Variants in DSG1 observed in about 807,000 individuals in gnomAD.
DSG1 encodes desmoglein-1.
DSG1 carries 39 observed loss-of-function variants against 97.5 expected under a neutral mutation model. The ratio of observed to expected loss-of-function variants is 0.40; its 90% CI spans 0.31 to 0.52. The LOEUF (loss-of-function observed/expected upper bound fraction) is 0.52, where lower values mean the gene tolerates loss of function less well. Among genes scored for constraint, DSG1 ranks in the 20% least tolerant of loss-of-function variants. DSG1 has a pLI of 0.53. For synonymous variants in DSG1, 475 were observed against 443.4 expected, an observed-to-expected ratio of 1.07 and a Z score of -0.90; for missense variants, 1,311 against 1,295.4, an observed-to-expected ratio of 1.01 and a Z score of -0.18.
chr18:31,334,963 A>G (rs962911136), intron 8 of DSG1, among the ~76,000 whole-genome samples: 4 of 151,906 alleles, frequency 2.6e-5, no homozygotes, highest in African/African-American at 9.6e-5. Flanking sequence ...TATGGATTGT[A>G]TATGTTGCAT....
intron 13 of DSG1, 81 bp from the exon 14 acceptor site, chr18:31,345,909 T>C: frequency 9.2e-7 from 1 of 1,090,458 alleles, no homozygotes; most frequent in Admixed American, 2.0e-5. Context: ...AATGAAAAAA[T>C]CACATATTAC....
chr18:31,328,284 G>C lies in DSG1; in HGVS notation c.312G>C (p.Gln104His). 6.2e-7 allele frequency: 1 copy of C among 1,613,514 alleles called. No individual in the cohort carries two copies. Among genetic ancestry groups the C allele is most frequent in the South Asian group, 1.1e-5 (1 of 91,066 alleles). The change falls in exon 4 of 15, where the codon CAG becomes CAC. Residue 104 changes from glutamine (Q) to histidine (H), a missense_variant. Physicochemically the swap from Gln to His is conservative, Grantham distance 24 (BLOSUM62 0). Transcript: ENST00000257192. The stretch of plus-strand genomic sequence containing the variant: ...CATATGGGATCTTTGTCATTAATCA[G>C]AAAACTGGTGAAATTAATATAACAT... ...QPPYGIFVIN[Q>H]KTGEINITSI...
rs751639814 is a variant in DSG1 at position 31,338,471 on chromosome 18, C to T, written c.1405+17C>T. 1.2e-6 allele frequency: 2 copies of T among 1,609,976 alleles called. No individual in the cohort carries two copies. The highest frequency in any genetic ancestry group is 1.7e-6 in the Non-Finnish European group (2 of 1,176,642). On this transcript the variant is annotated intron_variant, in intron 10 of 14. Coordinates refer to ENST00000257192, the MANE Select transcript of DSG1 (RefSeq NM_001942.4). ...CTATAGATGGTAAGAAATTAATTTA[C>T]ATTTTTATCTTTTCTAGAGAAAGCT...
chr18:31,327,250 C>A (rs2071691422), intron 3 of DSG1, among the ~76,000 whole-genome samples: 1 of 152,076 alleles, frequency 6.6e-6, no homozygotes, highest in African/African-American at 2.4e-5. Context: ...CATGTGTTAT[C>A]CCAAACTCCA....
chr18:31,339,845 A>C lies in DSG1; in HGVS notation c.1507A>C (p.Asn503His). Residue 503 changes from asparagine (N) to histidine (H), a missense_variant, in exon 11 of 15, where the codon AAT (asparagine) becomes CAT (histidine). Physicochemically the swap from Asn to His is moderately conservative, Grantham distance 68 (BLOSUM62 1). Around this residue, in one of 3 missense-constraint regions of DSG1, gnomAD observed 1,038 missense variants for 964.6 expected, o/e 1.08. Transcript: ENST00000257192. Reference sequence around the variant, plus strand: ...AGAGCCGAACACTAAAATTACTACCAATACTGGCAGACAAGAAAGTACTTC... The same window carrying C: ...AGAGCCGAACACTAAAATTACTACCCATACTGGCAGACAAGAAAGTACTTC... ...NTEPNTKITT[N>H]TGRQESTSST... 6.2e-7 allele frequency: 1 copy of C among 1,614,068 alleles called. No homozygotes were observed. Among genetic ancestry groups the C allele is most frequent in the Non-Finnish European group, 8.5e-7 (1 of 1,179,954 alleles).
chr18:31,321,382 G>C (rs539288602), intron 1 of DSG1, among the ~76,000 whole-genome samples: 3 of 152,078 alleles, frequency 2.0e-5, no homozygotes, highest in Admixed American at 6.6e-5. Flanking sequence ...AGAGCTCTTT[G>C]TGCTTTCTTG....
At chr18:31,331,559 T>C (rs2071720996) in intron 5 of DSG1, 142 bp from the exon 6 acceptor site, 2 of 703,560 alleles carry the variant, frequency 2.8e-6, no homozygotes, top group Non-Finnish European at 4.9e-6. Context: ...GATATCCATA[T>C]GTTGAAGGAG....
chr18:31,323,088 A>C (rs2071663797), intron 1 of DSG1, among the ~76,000 whole-genome samples: 2 of 152,198 alleles, frequency 1.3e-5, no homozygotes, highest in African/African-American at 4.8e-5. Flanking sequence ...TTAGTCTCAT[A>C]TACAGCTGAG....
chr18:31,318,629 T>C (rs1229672285), intron 1 of DSG1, among the ~76,000 whole-genome samples: 1 of 152,172 alleles, frequency 6.6e-6, no homozygotes, highest in Non-Finnish European at 1.5e-5. Flanking sequence ...AGGAAATTCC[T>C]ATCGCTAGTT....
Position 31,331,785 on chromosome 18 carries a change from A to G in DSG1, c.602A>G (p.Gln201Arg). ...AAAATAGCCTTCAAGATTATAAGAC[A>G]AGAACCTTCAGATTCACCAATGTTT... ...NSKIAFKIIR[Q>R]EPSDSPMFII... The change falls in exon 6 of 15, where the codon CAA (glutamine) becomes CGA (arginine). Residue 201 changes from glutamine to arginine, a missense_variant. This residue lies in a region of DSG1 where 259 missense variants were observed against 304.1 expected (regional missense o/e 0.85). Coordinates refer to ENST00000257192, the MANE Select transcript of DSG1 (RefSeq NM_001942.4). The G allele has an allele frequency of 6.2e-7, 1 of 1,612,864 alleles. No individual in the cohort carries two copies. The highest frequency in any genetic ancestry group is 8.5e-7 in the Non-Finnish European group (1 of 1,179,134).
intron 14 of DSG1, among the ~76,000 whole-genome samples, chr18:31,352,798 C>T (rs375563565): frequency 0.071 from 10,385 of 147,100 alleles, 653 homozygotes; most frequent in African/African-American, 0.11. Flanking sequence ...ACGTAGTTCT[C>T]GAGCCTTGGT....
chr18:31,343,072 G>A (rs965545316), intron 11 of DSG1, among the ~76,000 whole-genome samples: 2 of 151,566 alleles, frequency 1.3e-5, no homozygotes, highest in East Asian at 1.9e-4. Flanking sequence ...CCCCATACAC[G>A]CCTAATTTTT....
At chr18:31,320,193 A>C (rs2071644674) in intron 1 of DSG1, among the ~76,000 whole-genome samples, 1 of 151,998 alleles carries the variant, frequency 6.6e-6, no homozygotes, top group African/African-American at 2.4e-5. Flanking sequence ...TTTTTCTTTA[A>C]AATACTTTTT....
At chr18:31,350,527 A>C (rs1180718669) in intron 14 of DSG1, among the ~76,000 whole-genome samples, 1 of 150,456 alleles carries the variant, frequency 6.6e-6, no homozygotes, top group Non-Finnish European at 1.5e-5. Context: ...TGATTGGAAT[A>C]GTTTCAGAAG....
At chr18:31,331,889 G>A in intron 6 of DSG1, 22 bp downstream of exon 6, 1 of 1,607,796 alleles carries the variant, frequency 6.2e-7, no homozygotes, top group Non-Finnish European at 8.5e-7. Context: ...TCTTTAAGTG[G>A]GTTTTTGGTC....
At chr18:31,322,621 AGAG>A (rs1329326674) in intron 1 of DSG1, among the ~76,000 whole-genome samples, 1 of 152,220 alleles carries the variant, frequency 6.6e-6, no homozygotes, top group South Asian at 2.1e-4. Context: ...AGGAAAGATA[AGAG>A]GAGGTTTTTA....
rs559407439 is a variant in DSG1, at chr18:31,324,817, C to G, written c.49-1764C>G. ...CGTCTGTAATCACTGCCTCTTCCCA[C>G]TAGTCCTACCAACTGTTGTCAGAGT... On this transcript the variant is annotated intron_variant, in intron 1 of 14. Coordinates refer to ENST00000257192, the MANE Select transcript of DSG1 (RefSeq NM_001942.4). 5.3e-5 allele frequency among the ~76,000 whole-genome samples: 8 copies of G among 152,310 alleles called. No individual in the cohort carries two copies. In the South Asian group the frequency reaches 1.7e-3, roughly 32 times the overall value.
intron 14 of DSG1, chr18:31,347,831 GA>G (rs2071853673): frequency 6.6e-6 from 1 of 152,002 alleles, no homozygotes; most frequent in South Asian, 2.1e-4. Flanking sequence ...CTGAAGGAAA[GA>G]AACAAAATCC....
chr18:31,334,116 A>C lies in DSG1; in HGVS notation c.919A>C (p.Ile307Leu), dbSNP rs1419910307. The C allele has an allele frequency of 6.2e-7, 1 of 1,609,618 alleles. No homozygotes were observed. The highest frequency in any genetic ancestry group is 1.1e-5 in the South Asian group (1 of 90,978). Reference protein sequence around the residue: ...EEFSANWMAVIFFISGNEGNW... With the variant: ...EEFSANWMAVLFFISGNEGNW... ...GTTCTCAGCTAACTGGATGGCAGTA[A>C]TTTTCTTTATCTCTGGAAATGAAGG... The change falls in exon 8 of 15, where the codon ATT becomes CTT. Residue 307 changes from isoleucine to leucine, a missense_variant. Physicochemically the swap from Ile to Leu is conservative, Grantham distance 5. Coordinates refer to ENST00000257192, the MANE Select transcript of DSG1 (RefSeq NM_001942.4).
Sources: allele counts gnomAD v4.1 joint callset (sites outside exome capture counted in the v4.1 genomes callset), GRCh38; gene constraint gnomAD v4.1.1; regional missense constraint gnomAD v4.1.1; transcripts MANE v1.5; gene names NCBI Gene and HGNC (gene_info 2026-07-23, HGNC 2026-07-21).